The following COL5A2 variants were observed in gnomAD, a reference collection of about 807,000 sequenced individuals.
COL5A2 encodes collagen type V alpha 2 chain.
In COL5A2, 23 loss-of-function variants were observed where a neutral mutation model predicts 208.2. The ratio of observed to expected loss-of-function variants is 0.11; its 90% CI spans 0.08 to 0.16. The LOEUF (loss-of-function observed/expected upper bound fraction) is 0.16. COL5A2 is among the 10% of genes least tolerant of loss of function. The probability of loss-of-function intolerance (pLI) is 1.00; values close to 1 mark genes in which losing one functional copy is unlikely to be tolerated. For synonymous variants in COL5A2, 625 were observed against 628.5 expected (o/e 0.99, Z 0.08); for missense variants, 1,590 against 1,956.4 (o/e 0.81, Z 3.53).
the COL5A2 span, among the ~76,000 whole-genome samples, chr2:189,396,947 T>C: frequency 0.58 from 83,403 of 143,786 alleles, 25,387 homozygotes; most frequent in East Asian, 0.69. Context: ...GCCAAGATCA[T>C]GCCACTGCAC....
At chr2:189,327,693 C>T in the COL5A2 span, among the ~76,000 whole-genome samples, 1 of 152,118 alleles carries the variant, frequency 6.6e-6, no homozygotes, top group Non-Finnish European at 1.5e-5. Context: ...GCTACCCATA[C>T]ATAATAAATT....
At chr2:189,129,827 T>G (rs1271832159) in intron 1 of COL5A2, among the ~76,000 whole-genome samples, 2 of 152,048 alleles carry the variant, frequency 1.3e-5, no homozygotes, top group Non-Finnish European at 2.9e-5. Context: ...AATATAAAGT[T>G]TATGCCCTCA....
At chr2:189,323,840 C>A in the COL5A2 span, among the ~76,000 whole-genome samples, 947 of 152,176 alleles carry the variant, frequency 6.2e-3, 11 homozygotes, top group African/African-American at 0.021. Flanking sequence ...TCATATGGAA[C>A]CAAAAAAGAG....
rs561042706 is a variant in COL5A2 at position 189,092,141 on chromosome 2, A to T, written c.567+169T>A. 9.2e-5 allele frequency among the ~76,000 whole-genome samples: 14 copies of T among 152,276 alleles called. No individual in the cohort carries two copies. In the East Asian group the frequency reaches 2.7e-3, roughly 29 times the overall value. On this transcript the variant is annotated intron_variant, in intron 7 of 53. Transcript: ENST00000374866. Reference sequence around the variant, plus strand: ...AAATACTTCTTCCAATTTTTCCAACAATTCCCTGTGGGTTTATTAGTTCTA... The same window carrying T: ...AAATACTTCTTCCAATTTTTCCAACTATTCCCTGTGGGTTTATTAGTTCTA...
the COL5A2 span, among the ~76,000 whole-genome samples, chr2:189,412,810 T>A: frequency 6.6e-6 from 1 of 152,142 alleles, no homozygotes; most frequent in Non-Finnish European, 1.5e-5. Context: ...AGAGCACACA[T>A]CTCTTAACAT....
Position 189,053,913 on chromosome 2 carries a change from A to G in COL5A2, c.2481T>C (p.Pro827=), listed in dbSNP as rs749675749. The change falls in exon 37 of 54, where the codon CCT becomes CCC. Residue 827 remains proline, a synonymous_variant. Transcript: ENST00000374866. ...EPGPRGLVGP[P]GSRGNPGSRG... is the part of the protein sequence containing the mutation. The stretch of plus-strand genomic sequence containing the variant: ...CACTTACAGGATTGCCCCGGGAGCC[A>G]GGAGGGCCAACTAAACCTCGAGGAC... The G allele has an allele frequency of 4.3e-6, 7 of 1,614,096 alleles. No homozygotes were observed. Among genetic ancestry groups the G allele is most frequent in the Non-Finnish European group, 5.9e-6 (7 of 1,179,972 alleles).
At position 189,035,041 on chromosome 2, in the gene COL5A2, C is replaced by T; in HGVS notation, c.4228G>A (p.Gly1410Arg). The T allele has an allele frequency of 6.2e-7, 1 of 1,613,802 alleles. No individual in the cohort carries two copies. The highest frequency in any genetic ancestry group is 8.5e-7 in the Non-Finnish European group (1 of 1,179,862). ...NITYICKNSV[G>R]YMDDQAKNLK... ...TTCTTAGCTTGATCGTCCATGTATCCTACACTGTTTTTACAGATGTAAGTG... is the reference window on the plus strand; with the variant it reads ...TTCTTAGCTTGATCGTCCATGTATCTTACACTGTTTTTACAGATGTAAGTG... Residue 1410 changes from glycine to arginine, a missense_variant, in exon 53 of 54, where the codon GGA becomes AGA. By Grantham distance (125) the Gly-to-Arg change is moderately radical (BLOSUM62 -2). Coordinates refer to ENST00000374866, the MANE Select transcript of COL5A2 (RefSeq NM_000393.5).
intron 1 of COL5A2, among the ~76,000 whole-genome samples, chr2:189,187,202 G>A (rs548939867): frequency 6.6e-6 from 1 of 152,256 alleles, no homozygotes; most frequent in South Asian, 2.1e-4. Flanking sequence ...TGCACCAGAT[G>A]ATTGCTCCCA....
At chr2:189,147,210 A>T (rs12995956) in intron 1 of COL5A2, among the ~76,000 whole-genome samples, 2 of 152,094 alleles carry the variant, frequency 1.3e-5, no homozygotes, top group East Asian at 3.9e-4. Flanking sequence ...CCAAAAATGC[A>T]TTGTTATATT....
the COL5A2 span, among the ~76,000 whole-genome samples, chr2:189,314,856 A>G: frequency 6.6e-6 from 1 of 152,186 alleles, no homozygotes; most frequent in Non-Finnish European, 1.5e-5. Context: ...TTCTGGACAC[A>G]TACACCCTCC....
At chr2:189,141,101 A>T (rs1687925350) in intron 1 of COL5A2, among the ~76,000 whole-genome samples, 1 of 152,166 alleles carries the variant, frequency 6.6e-6, no homozygotes, top group Non-Finnish European at 1.5e-5. Context: ...GTATTCTGGG[A>T]AATGAAGCAG....
the COL5A2 span, among the ~76,000 whole-genome samples, chr2:189,288,722 C>G: frequency 6.6e-6 from 1 of 152,066 alleles, no homozygotes; most frequent in Admixed American, 6.6e-5. Flanking sequence ...ATGAGGCCAG[C>G]GTTATCCTGA....
the COL5A2 span, among the ~76,000 whole-genome samples, chr2:189,271,571 G>C: frequency 6.6e-6 from 1 of 152,216 alleles, no homozygotes; most frequent in South Asian, 2.1e-4. Context: ...AGAAAACCTA[G>C]ACAATACCAT....
intron 18 of COL5A2, among the ~76,000 whole-genome samples, chr2:189,070,693 A>C (rs1310170896): frequency 6.6e-6 from 1 of 152,206 alleles, no homozygotes; most frequent in Non-Finnish European, 1.5e-5. Context: ...ATTTGTGAGT[A>C]TTTCCTTAAC....
At chr2:189,354,054 T>G in the COL5A2 span, among the ~76,000 whole-genome samples, 2 of 152,178 alleles carry the variant, frequency 1.3e-5, no homozygotes, top group Admixed American at 6.5e-5. Context: ...GTTTTTGTCA[T>G]TGGTTCTGTT....
chr2:189,377,373 T>C, the COL5A2 span, among the ~76,000 whole-genome samples: 1 of 152,192 alleles, frequency 6.6e-6, no homozygotes. Context: ...TGTACAGACC[T>C]ACATTATACC....
intron 1 of COL5A2, among the ~76,000 whole-genome samples, chr2:189,209,494 T>G (rs1386893430): frequency 6.6e-6 from 1 of 152,234 alleles, no homozygotes; most frequent in Non-Finnish European, 1.5e-5. Flanking sequence ...TTCCATTTTA[T>G]AGACCAGAAA....
the COL5A2 span, chr2:189,311,591 TC>T: frequency 8.5e-7 from 1 of 1,180,122 alleles, no homozygotes; most frequent in Non-Finnish European, 1.2e-6. Flanking sequence ...CAGGCTGTTC[TC>T]CAAGCTGGCC....
chr2:189,272,442 A>C, the COL5A2 span, among the ~76,000 whole-genome samples: 7 of 152,230 alleles, frequency 4.6e-5, no homozygotes, highest in African/African-American at 1.7e-4. Context: ...GTTCTTACTC[A>C]TAGGTAGGAG....
Sources: gnomAD v4.1 joint callset for allele counts (sites outside exome capture counted in the v4.1 genomes callset) on GRCh38, gnomAD v4.1.1 for gene constraint, MANE v1.5 for transcripts, NCBI Gene and HGNC (gene_info 2026-07-23, HGNC 2026-07-21) for gene names.